The following GMPR variants were observed in gnomAD, a reference collection of about 807,000 sequenced individuals.
GMPR encodes the protein guanosine monophosphate reductase, also known as GMP reductase 1.
GMPR carries 31 observed loss-of-function variants against 38.4 expected under a neutral mutation model. The observed-to-expected ratio is 0.81, with a 90% CI of 0.61 to 1.09. The LOEUF (loss-of-function observed/expected upper bound fraction) is 1.09. Among genes scored for constraint, GMPR ranks in the 50% least tolerant of loss-of-function variants. GMPR has a pLI of 0.00. For synonymous variants in GMPR, 162 were observed against 173.3 expected (o/e 0.93, Z 0.51); for missense variants, 468 against 453.7 (o/e 1.03, Z -0.29).
chr6:16,250,872 CTT>C (rs1003003980), intron 3 of GMPR, among the ~76,000 whole-genome samples: 13 of 144,378 alleles, frequency 9.0e-5, no homozygotes, highest in African/African-American at 3.4e-4. Flanking sequence ...TGAGGGGTCT[CTT>C]TTTAAAAAAA....
chr6:16,242,401 T>C (rs1301513353), intron 1 of GMPR, among the ~76,000 whole-genome samples: 2 of 151,610 alleles, frequency 1.3e-5, no homozygotes, highest in African/African-American at 2.4e-5. Flanking sequence ...GAGGACCACA[T>C]ACTTGGTGGC....
rs1759909875 is a variant in GMPR, at chr6:16,295,015, G to A, written c.867G>A (p.Glu289=). The A allele has an allele frequency of 6.2e-7, 1 of 1,608,290 alleles. No individual in the cohort carries two copies. The highest frequency in any genetic ancestry group is 8.5e-7 in the Non-Finnish European group (1 of 1,177,020). ...TTCTATCGTCTTCCAGAGCCTCTGA[G>A]GGTAAGACTGTGGAAGTTCCTTACA... ...AGGVAEYRAS[E]GKTVEVPYKG... Residue 289 remains glutamate (E), a synonymous_variant, in exon 9 of 9, where the codon GAG becomes GAA. Transcript: ENST00000259727.
At chr6:16,287,346 C>G (rs535103643) in intron 7 of GMPR, among the ~76,000 whole-genome samples, 5 of 152,332 alleles carry the variant, frequency 3.3e-5, no homozygotes, top group African/African-American at 1.2e-4. Context: ...GCTCTCTGTA[C>G]AGAGGGAGAG....
chr6:16,277,508 CTGAG>C (rs1400939476), intron 5 of GMPR, among the ~76,000 whole-genome samples: 1 of 152,184 alleles, frequency 6.6e-6, no homozygotes, highest in African/African-American at 2.4e-5. Context: ...CCGGGAGGGG[CTGAG>C]TGAGTGGCAG....
rs1018262531 is a variant in GMPR, at chr6:16,248,162, G to A, written c.207+1201G>A. ...GGGAAGATCACTTGAGCTGGGAGGCGGAGGTTGCAGTGAGCCAAGATTGCG... is the reference window on the plus strand; with the variant it reads ...GGGAAGATCACTTGAGCTGGGAGGCAGAGGTTGCAGTGAGCCAAGATTGCG... On this transcript the variant is annotated intron_variant, in intron 2 of 8. Coordinates refer to ENST00000259727, the MANE Select transcript of GMPR (RefSeq NM_006877.4). Among the ~76,000 whole-genome samples the A allele has an allele frequency of 2.0e-5, 3 of 149,752 alleles. No individual in the cohort carries two copies. In the South Asian group the frequency reaches 6.4e-4, roughly 32 times the overall value.
chr6:16,257,020 G>A (rs540754966), intron 4 of GMPR, among the ~76,000 whole-genome samples: 3 of 152,340 alleles, frequency 2.0e-5, no homozygotes, highest in South Asian at 2.1e-4. Context: ...CTAACAAGGC[G>A]ACTCTTAATG....
rs147049568 is a variant in GMPR, at chr6:16,290,617, T to TAC, written c.855_856dup (p.Arg286ThrfsTer28). ...CAAGCACGCAGGAGGAGTTGCTGAG[T>TAC]ACAGGTGAGGAGGTGACCCCGGGGC... On this transcript the variant is annotated frameshift_variant, in exon 8 of 9. Coordinates refer to ENST00000259727, the MANE Select transcript of GMPR (RefSeq NM_006877.4). LOFTEE classifies it high-confidence loss of function. 3,105 of 1,613,838 alleles carry TAC rather than the reference T, an allele frequency of 1.9e-3. 5 individuals carry two copies. The highest frequency in any genetic ancestry group is 2.3e-3 in the Non-Finnish European group (2,696 of 1,179,852).
chr6:16,263,590 G>GA (rs1207818237), intron 4 of GMPR, among the ~76,000 whole-genome samples: 1 of 151,752 alleles, frequency 6.6e-6, no homozygotes, highest in African/African-American at 2.4e-5. Flanking sequence ...AAGGGGTTGG[G>GA]ATGCAGAGAT....
chr6:16,288,569 C>A (rs1759747965), intron 7 of GMPR, among the ~76,000 whole-genome samples: 1 of 152,178 alleles, frequency 6.6e-6, no homozygotes, highest in East Asian at 1.9e-4. Flanking sequence ...GCGGCGGGAG[C>A]CTCCCTAATG....
chr6:16,256,407 G>A (rs1170694630), intron 4 of GMPR, among the ~76,000 whole-genome samples: 2 of 149,220 alleles, frequency 1.3e-5, no homozygotes, highest in African/African-American at 4.9e-5. Context: ...GCAGATGACT[G>A]TAATCCCAGC....
chr6:16,289,138 T>C (rs1269393827), intron 7 of GMPR, among the ~76,000 whole-genome samples: 1 of 152,228 alleles, frequency 6.6e-6, no homozygotes, highest in Non-Finnish European at 1.5e-5. Flanking sequence ...ACTGCTTTTA[T>C]GAGCTGTGCT....
At position 16,280,659 on chromosome 6, in the gene GMPR, C is replaced by A. The variant is rs189935126; in HGVS notation, c.654+1769C>A. Among the ~76,000 whole-genome samples the A allele has an allele frequency of 4.4e-4, 67 of 152,282 alleles. No individual in the cohort carries two copies. The East Asian group carries it at 6.2e-3, about 14-fold the overall frequency. On this transcript the variant is annotated intron_variant, in intron 6 of 8. Transcript: ENST00000259727. The stretch of plus-strand genomic sequence containing the variant: ...GTGGTTCTCAAATCCTGAGTGCAGC[C>A]TTGTCTGAGTCTGGCTGCGTGAGGA...
intron 4 of GMPR, among the ~76,000 whole-genome samples, chr6:16,266,618 C>T (rs1024253678): frequency 1.1e-4 from 16 of 151,294 alleles, no homozygotes; most frequent in Admixed American, 1.3e-4. Flanking sequence ...CTGGCTAACA[C>T]GGTGAAACCC....
chr6:16,238,644 G>T lies in GMPR; in HGVS notation c.-50G>T, dbSNP rs1758582912. ...GGCGCTCCCCGCGCCGCCCCGCGCA[G>T]GCGCCCCCGCCCCGCCGTCGCCGCC... On this transcript the variant is annotated 5_prime_UTR_variant, in exon 1 of 9. The change creates a new upstream start codon in the 5' untranslated region. Coordinates refer to ENST00000259727, the MANE Select transcript of GMPR (RefSeq NM_006877.4). 1.5e-5 allele frequency: 13 copies of T among 867,414 alleles called. No individual in the cohort carries two copies. Among genetic ancestry groups the T allele is most frequent in the Non-Finnish European group, 1.8e-5 (12 of 679,880 alleles). 53.7% of individuals were successfully genotyped at this position (867,414 alleles called of 1,614,324 possible).
chr6:16,295,188 C>T lies in GMPR; in HGVS notation c.*2C>T. On this transcript the variant is annotated 3_prime_UTR_variant, in exon 9 of 9. Transcript: ENST00000259727. ...CAGCACAACACCGTGTTCAGCTAAC[C>T]CTGGGGACAAAGCAGCGTCTGGCTC... 1 of 1,503,772 alleles carries T rather than the reference C, an allele frequency of 6.6e-7. No individual in the cohort carries two copies. Among genetic ancestry groups the T allele is most frequent in the Non-Finnish European group, 8.8e-7 (1 of 1,132,110 alleles). The allele number at this position is 1,503,772 out of a possible 1,614,324, so 93.2% of individuals were successfully genotyped here. A position where few individuals can be genotyped will look rare whatever the true frequency, so the allele number is the denominator to read the frequency against.
At chr6:16,265,825 T>C (rs986891807) in intron 4 of GMPR, among the ~76,000 whole-genome samples, 2 of 151,322 alleles carry the variant, frequency 1.3e-5, no homozygotes, top group Non-Finnish European at 1.5e-5. Flanking sequence ...TTCCACGCCA[T>C]GGAGGTTTTC....
At position 16,295,439 on chromosome 6, in the gene GMPR, A is replaced by G; in HGVS notation, c.*253A>G. 2 of 373,474 alleles carry G rather than the reference A, an allele frequency of 5.4e-6. No individual in the cohort carries two copies. The allele number at this position is 373,474 out of a possible 1,614,324, so 23.1% of individuals were successfully genotyped here. A position where few individuals can be genotyped will look rare whatever the true frequency, so the allele number is the denominator to read the frequency against. ...AACTCATAACCTCATTGTTCAAACCAACACTTGCACCTTTCTCTTTTTCTC... is the reference window on the plus strand; with the variant it reads ...AACTCATAACCTCATTGTTCAAACCGACACTTGCACCTTTCTCTTTTTCTC... On this transcript the variant is annotated 3_prime_UTR_variant, in exon 9 of 9. Transcript: ENST00000259727.
At chr6:16,269,023 TTC>T (rs1416370865) in intron 4 of GMPR, among the ~76,000 whole-genome samples, 8 of 151,958 alleles carry the variant, frequency 5.3e-5, no homozygotes, top group Non-Finnish European at 7.4e-5. Context: ...AAAATTTTAT[TTC>T]TGTTTTCTAT....
intron 4 of GMPR, among the ~76,000 whole-genome samples, chr6:16,266,365 C>T (rs889605192): frequency 6.5e-5 from 8 of 123,076 alleles, no homozygotes; most frequent in African/African-American, 9.5e-5. Flanking sequence ...GTAACACTCA[C>T]TGTGAAAAAG....
Sources: gnomAD v4.1 joint callset for allele counts (sites outside exome capture counted in the v4.1 genomes callset) on GRCh38, gnomAD v4.1.1 for gene constraint, MANE v1.5 for transcripts, NCBI Gene and HGNC (gene_info 2026-07-23, HGNC 2026-07-21) for gene names.